The following NCAM1 variants were observed in gnomAD, a reference collection of about 807,000 sequenced individuals.
NCAM1 encodes antigen recognized by monoclonal antibody 5.1H11.
In NCAM1, 14 loss-of-function variants were observed where a neutral mutation model predicts 109.8. The ratio of observed to expected loss-of-function variants is 0.13; its 90% CI spans 0.08 to 0.20. The LOEUF (loss-of-function observed/expected upper bound fraction) is 0.20, where lower values mean the gene tolerates loss of function less well. NCAM1 is among the 10% of genes least tolerant of loss of function. NCAM1 has a pLI of 1.00. For synonymous variants in NCAM1, 418 were observed against 442.9 expected (o/e 0.94, Z 0.70); for missense variants, 774 against 1,109.9 (o/e 0.70, Z 4.30).
chr11:113,187,787 G>A (rs925664616), intron 1 of NCAM1, among the ~76,000 whole-genome samples: 1 of 152,118 alleles, frequency 6.6e-6, no homozygotes, highest in Non-Finnish European at 1.5e-5. Flanking sequence ...GGAGTTTGAG[G>A]ACCGCCACTG....
intron 1 of NCAM1, among the ~76,000 whole-genome samples, chr11:113,137,613 A>G (rs1439301684): frequency 6.6e-6 from 1 of 152,236 alleles, no homozygotes; most frequent in Non-Finnish European, 1.5e-5. Flanking sequence ...AAAACTCATT[A>G]TTAGAGCCTT....
At chr11:113,068,998 A>T (rs1490584435) in intron 1 of NCAM1, among the ~76,000 whole-genome samples, 1 of 152,176 alleles carries the variant, frequency 6.6e-6, no homozygotes, top group Non-Finnish European at 1.5e-5. Flanking sequence ...GTCCCAGCAC[A>T]TGGTACTTTG....
intron 2 of NCAM1, 124 bp downstream of exon 2, chr11:113,202,577 A>G: frequency 2.5e-6 from 2 of 803,984 alleles, no homozygotes; most frequent in Non-Finnish European, 3.8e-6. Context: ...GCATTGCTCT[A>G]TTACAGGGTC....
At chr11:113,181,569 T>C (rs1943333559) in intron 1 of NCAM1, among the ~76,000 whole-genome samples, 1 of 152,142 alleles carries the variant, frequency 6.6e-6, no homozygotes, top group South Asian at 2.1e-4. Flanking sequence ...TAATGGATGC[T>C]GGGCTTAATA....
chr11:113,033,159 G>C (rs185918977), intron 1 of NCAM1, among the ~76,000 whole-genome samples: 1 of 152,330 alleles, frequency 6.6e-6, no homozygotes, highest in Admixed American at 6.5e-5. Flanking sequence ...ATTAGGACCA[G>C]TAATTGCAGC....
chr11:113,125,382 A>G (rs1275087145), intron 1 of NCAM1, among the ~76,000 whole-genome samples: 1 of 152,250 alleles, frequency 6.6e-6, no homozygotes, highest in Admixed American at 6.5e-5. Context: ...AGCATATTTC[A>G]TTTATAAGAA....
intron 16 of NCAM1, among the ~76,000 whole-genome samples, chr11:113,258,160 T>C (rs1945879677): frequency 6.6e-6 from 1 of 152,214 alleles, no homozygotes; most frequent in African/African-American, 2.4e-5. Flanking sequence ...AATAAACATC[T>C]ATCAAGACTT....
chr11:113,270,108 C>A (rs1056193439), intron 17 of NCAM1, 80 bp from the exon 18 acceptor site: 4 of 1,420,756 alleles, frequency 2.8e-6, no homozygotes, highest in Middle Eastern at 2.3e-4. Flanking sequence ...CCCTCCCCAC[C>A]CGCAGGGGCT....
chr11:113,048,083 C>G (rs782725723), intron 1 of NCAM1, among the ~76,000 whole-genome samples: 69 of 152,148 alleles, frequency 4.5e-4, no homozygotes, highest in Non-Finnish European at 5.9e-4. Flanking sequence ...TGGAAATGGG[C>G]ATCAGAACAG....
At chr11:113,134,104 A>G (rs1941511638) in intron 1 of NCAM1, among the ~76,000 whole-genome samples, 1 of 152,146 alleles carries the variant, frequency 6.6e-6, no homozygotes, top group African/African-American at 2.4e-5. Flanking sequence ...CATCTTGTAA[A>G]ACTGCAAGTC....
chr11:113,221,604 T>C lies in NCAM1; in HGVS notation c.1089+279T>C, dbSNP rs144523601. 494 of 344,456 alleles carry C rather than the reference T, an allele frequency of 1.4e-3. 1 individual carries two copies. Among genetic ancestry groups the C allele is most frequent in the African/African-American group, 9.7e-3 (465 of 47,760 alleles). The allele number at this position is 344,456 out of a possible 1,614,324, so 21.3% of individuals were successfully genotyped here. A position where few individuals can be genotyped will look rare whatever the true frequency, so the allele number is the denominator to read the frequency against. Reference sequence around the variant, plus strand: ...ATCCAGGTAATTACACCAATAGAAATAAATTGCCCCCAATTCCCAGGCCAG... The same window carrying C: ...ATCCAGGTAATTACACCAATAGAAACAAATTGCCCCCAATTCCCAGGCCAG... On this transcript the variant is annotated intron_variant, in intron 9 of 19. Coordinates refer to ENST00000316851, the MANE Select transcript of NCAM1 (RefSeq NM_181351.5).
chr11:113,065,128 A>G lies in NCAM1; in HGVS notation c.52+103464A>G, dbSNP rs184253153. ...ATCCACAATGGGTGGAGTCTGTTAAAGGGACACAGAAGCCAAATGAAACAA... is the reference window on the plus strand; with the variant it reads ...ATCCACAATGGGTGGAGTCTGTTAAGGGGACACAGAAGCCAAATGAAACAA... On this transcript the variant is annotated intron_variant, in intron 1 of 19. Transcript: ENST00000316851. 3.7e-3 allele frequency among the ~76,000 whole-genome samples: 570 copies of G among 152,346 alleles called. 6 individuals carry two copies. Among genetic ancestry groups the G allele is most frequent in the African/African-American group, 0.013 (560 of 41,588 alleles).
At chr11:113,226,133 C>T (rs1944839242) in intron 9 of NCAM1, among the ~76,000 whole-genome samples, 1 of 152,206 alleles carries the variant, frequency 6.6e-6, no homozygotes, top group Admixed American at 6.5e-5. Context: ...AAGACACAGA[C>T]TGGCAAGTTG....
intron 13 of NCAM1, among the ~76,000 whole-genome samples, chr11:113,234,771 A>G (rs1186189984): frequency 1.3e-5 from 2 of 151,950 alleles, no homozygotes; most frequent in South Asian, 2.1e-4. Flanking sequence ...AGGTATCTGT[A>G]TCTGTTTGGT....
At chr11:113,203,324 G>C (rs1256605322) in intron 2 of NCAM1, among the ~76,000 whole-genome samples, 1 of 152,210 alleles carries the variant, frequency 6.6e-6, no homozygotes, top group Admixed American at 6.5e-5. Context: ...TCAATGATCT[G>C]GAGACGCAGC....
intron 8 of NCAM1, among the ~76,000 whole-genome samples, chr11:113,218,183 T>C (rs532792235): frequency 6.6e-6 from 1 of 152,350 alleles, no homozygotes; most frequent in African/African-American, 2.4e-5. Flanking sequence ...TAGCTGTTGC[T>C]TCCAACCTTG....
intron 1 of NCAM1, among the ~76,000 whole-genome samples, chr11:113,125,414 T>C (rs1409679427): frequency 2.0e-5 from 3 of 152,230 alleles, no homozygotes; most frequent in Non-Finnish European, 2.9e-5. Flanking sequence ...GATAAATCAA[T>C]AGAAATCTCA....
intron 7 of NCAM1, among the ~76,000 whole-genome samples, chr11:113,209,873 A>G (rs1555113416): frequency 6.6e-6 from 1 of 152,250 alleles, no homozygotes; most frequent in Non-Finnish European, 1.5e-5. Context: ...TAGAGAAGTC[A>G]TTAAAATGTA....
At chr11:113,167,761 C>T (rs928336560) in intron 1 of NCAM1, among the ~76,000 whole-genome samples, 2 of 152,150 alleles carry the variant, frequency 1.3e-5, no homozygotes, top group Non-Finnish European at 2.9e-5. Flanking sequence ...AAAATGTGAG[C>T]GGCACTTAAT....
Sources: gnomAD v4.1 joint callset for allele counts (sites outside exome capture counted in the v4.1 genomes callset) on GRCh38, gnomAD v4.1.1 for gene constraint, MANE v1.5 for transcripts, NCBI Gene and HGNC (gene_info 2026-07-23, HGNC 2026-07-21) for gene names.